Variants in ZNF536 observed in about 807,000 individuals in gnomAD.
ZNF536 encodes zinc finger protein 536.
A neutral mutation model predicts 84.5 loss-of-function variants in ZNF536; 13 were observed. The ratio of observed to expected loss-of-function variants is 0.15; its 90% confidence interval spans 0.10 to 0.24. ZNF536 has a LOEUF of 0.24. Ranked by LOEUF, ZNF536 falls within the 10% of genes least tolerant of loss-of-function variation. The pLI, the probability that ZNF536 is intolerant of heterozygous loss-of-function variation, is 1.00. For missense variants in ZNF536, 1,536 were observed against 1,747.5 expected (o/e 0.88, Z 2.16); for synonymous variants, 811 against 742.5 (o/e 1.09, Z -1.50).
At chr19:30,275,954 G>C (rs1375989647) in intron 1 of ZNF536, among the ~76,000 whole-genome samples, 1 of 152,064 alleles carries the variant, frequency 6.6e-6, no homozygotes, top group Non-Finnish European at 1.5e-5. Flanking sequence ...TCACCGGCAA[G>C]AGTATCTCCC....
intron 4 of ZNF536, chr19:30,556,953 C>T (rs2045986935): frequency 1.8e-6 from 1 of 563,028 alleles, no homozygotes; most frequent in Non-Finnish European, 3.2e-6. Flanking sequence ...ATCAACAGCA[C>T]CTCTACGTCT....
chr19:30,397,532 C>A (rs942041969), intron 1 of ZNF536, among the ~76,000 whole-genome samples: 17 of 152,286 alleles, frequency 1.1e-4, no homozygotes, highest in African/African-American at 4.1e-4. Context: ...TTATTTCTTA[C>A]AACTGAGTGT....
intron 2 of ZNF536, among the ~76,000 whole-genome samples, chr19:30,287,382 C>T (rs940604896): frequency 6.0e-5 from 8 of 133,964 alleles, no homozygotes; most frequent in African/African-American, 2.3e-4. Context: ...TGGATGGATG[C>T]ATAAATAAAT....
intron 2 of ZNF536, among the ~76,000 whole-genome samples, chr19:30,311,931 G>C (rs1170133176): frequency 1.3e-5 from 2 of 152,136 alleles, no homozygotes; most frequent in African/African-American, 4.8e-5. Context: ...AATTAGTTGA[G>C]GTGGTGTGCA....
intron 1 of ZNF536, among the ~76,000 whole-genome samples, chr19:30,433,564 C>A (rs1226271894): frequency 1.3e-5 from 2 of 152,200 alleles, no homozygotes; most frequent in Non-Finnish European, 2.9e-5. Flanking sequence ...ATGGCGCGAT[C>A]TCGGTTCACC....
At chr19:30,406,381 G>T (rs2050262060) in intron 1 of ZNF536, among the ~76,000 whole-genome samples, 1 of 152,090 alleles carries the variant, frequency 6.6e-6, no homozygotes. Context: ...ATTTGCCATG[G>T]TCATGGGTTG....
At chr19:30,609,306 C>T (rs912066817) in intron 1 of ZNF536, among the ~76,000 whole-genome samples, 1 of 152,094 alleles carries the variant, frequency 6.6e-6, no homozygotes, top group Non-Finnish European at 1.5e-5. Context: ...TCAGGGAAAC[C>T]CACAAAATAG....
At chr19:30,673,716 C>T (rs1296906129) in intron 1 of ZNF536, among the ~76,000 whole-genome samples, 1 of 152,232 alleles carries the variant, frequency 6.6e-6, no homozygotes, top group Non-Finnish European at 1.5e-5. Flanking sequence ...CTAACTCTCA[C>T]ATGCGTGCCC....
At chr19:30,577,790 C>T (rs1010495320) in intron 1 of ZNF536, among the ~76,000 whole-genome samples, 7 of 152,140 alleles carry the variant, frequency 4.6e-5, no homozygotes, top group Non-Finnish European at 8.8e-5. Flanking sequence ...CAATAAGCAC[C>T]ATTGTCCTGT....
intron 1 of ZNF536, among the ~76,000 whole-genome samples, chr19:30,426,326 G>T (rs1469042449): frequency 2.6e-5 from 4 of 152,120 alleles, no homozygotes; most frequent in Non-Finnish European, 4.4e-5. Context: ...CATGGTGGGG[G>T]GATGTCATGT....
chr19:30,556,090 C>T (rs2045955269), intron 4 of ZNF536: 1 of 152,252 alleles, frequency 6.6e-6, no homozygotes, highest in Non-Finnish European at 1.5e-5. Context: ...GGATAAAGCA[C>T]ACCTTTGCAT....
At chr19:30,259,949 G>A (rs1042430535) in intron 1 of ZNF536, among the ~76,000 whole-genome samples, 39 of 143,906 alleles carry the variant, frequency 2.7e-4, no homozygotes, top group African/African-American at 8.8e-4. Context: ...ATTTTTAGTA[G>A]AGACGATGTT....
rs1458002491 is a variant in ZNF536, at chr19:30,557,924, C to T, written c.*760C>T. ...TAATTGTAGCTTTCTGAATAAGTGT[C>T]AAACTATATCTTTAAGTGTGCTGTA... On this transcript the variant is annotated 3_prime_UTR_variant, in exon 5 of 5. Coordinates refer to ENST00000355537, the MANE Select transcript of ZNF536 (RefSeq NM_014717.3). 3 of 152,420 alleles carry T rather than the reference C, an allele frequency of 2.0e-5. No individual in the cohort carries two copies. Among genetic ancestry groups the T allele is most frequent in the African/African-American group, 4.8e-5 (2 of 41,368 alleles). 9.4% of individuals were successfully genotyped at this position (152,420 alleles called of 1,614,324 possible). A position where few individuals can be genotyped will look rare whatever the true frequency, so the allele number is the denominator to read the frequency against.
At chr19:30,694,390 AAGCCTCACCC>A (rs755428063) in intron 1 of ZNF536, among the ~76,000 whole-genome samples, 3 of 152,224 alleles carry the variant, frequency 2.0e-5, no homozygotes, top group African/African-American at 4.8e-5. Flanking sequence ...AAAACACACA[AAGCCTCACCC>A]AGTCTCCCTG....
intron 1 of ZNF536, among the ~76,000 whole-genome samples, chr19:30,675,424 G>C (rs2050719422): frequency 6.6e-6 from 1 of 152,188 alleles, no homozygotes; most frequent in South Asian, 2.1e-4. Flanking sequence ...GTGAAAGACT[G>C]AAAGACTCTT....
chr19:30,350,599 G>T (rs187442395), intron 2 of ZNF536, among the ~76,000 whole-genome samples: 2 of 152,314 alleles, frequency 1.3e-5, no homozygotes, highest in Admixed American at 1.3e-4. Flanking sequence ...TCAAGCCTGT[G>T]AATGCTGTGT....
At chr19:30,539,489 T>G (rs1169864443) in intron 3 of ZNF536, among the ~76,000 whole-genome samples, 1 of 152,192 alleles carries the variant, frequency 6.6e-6, no homozygotes, top group Non-Finnish European at 1.5e-5. Context: ...ACCAAATATC[T>G]GGGCACCCTG....
At chr19:30,372,361 G>A (rs775740334), upstream of ZNF536, 2 of 152,382 alleles carry the variant, frequency 1.3e-5, no homozygotes, top group African/African-American at 4.8e-5. Context: ...GCCGCCCCTG[G>A]TACTGCCGGG....
intron 2 of ZNF536, among the ~76,000 whole-genome samples, chr19:30,291,498 G>T (rs2045839951): frequency 6.6e-6 from 1 of 152,136 alleles, no homozygotes; most frequent in African/African-American, 2.4e-5. Context: ...TTTGAGAAGT[G>T]TCTGTTCATA....
Sources: allele counts gnomAD v4.1 joint callset (sites outside exome capture counted in the v4.1 genomes callset), GRCh38; gene constraint gnomAD v4.1.1; transcripts MANE v1.5; gene names NCBI Gene and HGNC (gene_info 2026-07-23, HGNC 2026-07-21).